LRPPRC: variants seen among roughly 807,000 people sequenced by gnomAD.
LRPPRC encodes leucine-rich PPR motif-containing protein, mitochondrial.
Under a neutral mutation model 180.3 loss-of-function variants are expected in LRPPRC, and 120 were observed. That is an observed-to-expected ratio of 0.67 (90% CI 0.57 to 0.77). The LOEUF (loss-of-function observed/expected upper bound fraction) is 0.77. LRPPRC is among the 30% of genes least tolerant of loss of function. LRPPRC has a pLI of 0.00. For synonymous variants in LRPPRC, 723 were observed against 600.0 expected (o/e 1.21, Z -3.00); for missense variants, 2,012 against 1,657.2 (o/e 1.21, Z -3.72).
intron 14 of LRPPRC, among the ~76,000 whole-genome samples, chr2:43,954,633 G>A (rs548437546): frequency 3.9e-5 from 6 of 152,212 alleles, no homozygotes; most frequent in African/African-American, 1.4e-4. Flanking sequence ...ACTGAGGGGG[G>A]ATAAACTAAT....
At position 43,908,919 on chromosome 2, in the gene LRPPRC, C is replaced by T. The variant is rs189287404; in HGVS notation, c.3276-3139G>A. Among the ~76,000 whole-genome samples the T allele has an allele frequency of 2.1e-3, 326 of 152,292 alleles. 1 individual carries two copies. Among genetic ancestry groups the T allele is most frequent in the Non-Finnish European group, 2.6e-3 (177 of 68,026 alleles). ...ATTTATGGATCCAGAGTAAGACTGC[C>T]AGAATAATACTAGGGCGGTACCGCC... is the stretch of plus-strand genomic sequence containing the variant. On this transcript the variant is annotated intron_variant, in intron 30 of 37. Transcript: ENST00000260665.
Position 43,974,666 on chromosome 2 carries a change from C to A in LRPPRC, c.957G>T (p.Gln319His). Residue 319 changes from glutamine to histidine, a missense_variant, in exon 8 of 38, where the codon CAG becomes CAT. Coordinates refer to ENST00000260665, the MANE Select transcript of LRPPRC (RefSeq NM_133259.4). ...IFSFSKAGYPQYVSEILEKVT... is the reference protein window; with the variant it reads ...IFSFSKAGYPHYVSEILEKVT... ...CTTTTTCCAAAATTTCTGAGACATA[C>A]TGAGGATACCCAGCTTTACTGAAGC... The A allele has an allele frequency of 6.2e-7, 1 of 1,611,668 alleles. No individual in the cohort carries two copies. The highest frequency in any genetic ancestry group is 8.5e-7 in the Non-Finnish European group (1 of 1,177,878).
intron 25 of LRPPRC, among the ~76,000 whole-genome samples, chr2:43,931,794 G>A (rs1342151371): frequency 2.0e-5 from 3 of 152,078 alleles, no homozygotes; most frequent in Admixed American, 1.3e-4. Context: ...AGGTGGCATT[G>A]GCAGATTTCT....
At position 43,961,468 on chromosome 2, in the gene LRPPRC, T is replaced by C. The variant is rs564660571; in HGVS notation, c.1489-834A>G. Among the ~76,000 whole-genome samples, 15 of 152,322 alleles carry C rather than the reference T, an allele frequency of 9.8e-5. No individual in the cohort carries two copies. In the South Asian group the frequency reaches 2.7e-3, roughly 27 times the overall value. On this transcript the variant is annotated intron_variant, in intron 12 of 37. Coordinates refer to ENST00000260665, the MANE Select transcript of LRPPRC (RefSeq NM_133259.4). Reference sequence around the variant, plus strand: ...GCTCGATAATATGAACAGTATACTTTCTTGCTAAAAGAGATTTCTCCAGCC... The same window carrying C: ...GCTCGATAATATGAACAGTATACTTCCTTGCTAAAAGAGATTTCTCCAGCC...
At chr2:43,949,779 A>T in intron 15 of LRPPRC, 120 bp from the exon 16 acceptor site, 1 of 740,524 alleles carries the variant, frequency 1.4e-6, no homozygotes, top group Non-Finnish European at 2.4e-6. Context: ...TCTATTTCAC[A>T]GTAATTCAAA....
At chr2:43,943,390 A>G (rs1166063208) in intron 23 of LRPPRC, among the ~76,000 whole-genome samples, 2 of 152,126 alleles carry the variant, frequency 1.3e-5, no homozygotes, top group East Asian at 1.9e-4. Flanking sequence ...CTTTTTTCTT[A>G]TATTTATTAA....
chr2:43,926,241 A>G (rs1320933511), intron 25 of LRPPRC, among the ~76,000 whole-genome samples: 2 of 152,222 alleles, frequency 1.3e-5, no homozygotes, highest in Non-Finnish European at 2.9e-5. Flanking sequence ...AGACGCCGAT[A>G]ATTTCCAAAT....
intron 32 of LRPPRC, among the ~76,000 whole-genome samples, chr2:43,900,172 T>A (rs1181455970): frequency 4.6e-5 from 7 of 152,138 alleles, no homozygotes; most frequent in Non-Finnish European, 1.5e-5. Context: ...AAATACTCAG[T>A]TTATACTAAA....
chr2:43,899,847 A>G (rs994583720), intron 32 of LRPPRC, among the ~76,000 whole-genome samples: 5 of 152,248 alleles, frequency 3.3e-5, no homozygotes, highest in African/African-American at 1.2e-4. Context: ...CAGCAGTTCA[A>G]ATAGTTGCTT....
At position 43,889,850 on chromosome 2, in the gene LRPPRC, T is replaced by C. The variant is rs1670422269; in HGVS notation, c.4012A>G (p.Lys1338Glu). The change falls in exon 37 of 38, where the codon AAA becomes GAA. Residue 1338 changes from lysine to glutamate, a missense_variant. Coordinates refer to ENST00000260665, the MANE Select transcript of LRPPRC (RefSeq NM_133259.4). ...GCAGTCAAATGTTCATACAGTGCTT[T>C]AGCAGATGTGACATCTTTCTCTGAG... The part of the protein sequence containing the change: ...YVSEKDVTSA[K>E]ALYEHLTAKN... 1.9e-6 allele frequency: 3 copies of C among 1,609,482 alleles called. No homozygotes were observed. Among genetic ancestry groups the C allele is most frequent in the African/African-American group, 1.3e-5 (1 of 74,882 alleles).
chr2:43,924,246 C>T (rs970395057), intron 27 of LRPPRC, among the ~76,000 whole-genome samples: 1 of 152,154 alleles, frequency 6.6e-6, no homozygotes, highest in African/African-American at 2.4e-5. Context: ...AGGTCACTGG[C>T]TGTTCTAAGT....
chr2:43,967,030 G>A (rs1673590455), intron 11 of LRPPRC, among the ~76,000 whole-genome samples: 2 of 151,880 alleles, frequency 1.3e-5, no homozygotes, highest in Non-Finnish European at 2.9e-5. Context: ...CAGCCTGGGT[G>A]ACAGAGCCTC....
chr2:43,977,827 C>T (rs901990400), intron 3 of LRPPRC, among the ~76,000 whole-genome samples: 1 of 152,092 alleles, frequency 6.6e-6, no homozygotes, highest in African/African-American at 2.4e-5. Flanking sequence ...AGGGCCACAT[C>T]AAATAAGGTT....
Position 43,918,029 on chromosome 2 carries a change from T to G in LRPPRC, c.3144A>C (p.Lys1048Asn), listed in dbSNP as rs1412009992. The G allele has an allele frequency of 1.2e-6, 2 of 1,610,798 alleles. No individual in the cohort carries two copies. The highest frequency in any genetic ancestry group is 1.7e-6 in the Non-Finnish European group (2 of 1,177,760). Residue 1048 changes from lysine to asparagine, a missense_variant, in exon 29 of 38, where the codon AAA (lysine) becomes AAC (asparagine). Lys to Asn is a moderately conservative substitution (Grantham distance 94). Coordinates refer to ENST00000260665, the MANE Select transcript of LRPPRC (RefSeq NM_133259.4). ...CCCATCCCCGTATGTGCTTGCCTTTTTTTTGGTTCAATCGGCAGGCAATCA... is the reference window on the plus strand; with the variant it reads ...CCCATCCCCGTATGTGCTTGCCTTTGTTTTGGTTCAATCGGCAGGCAATCA... ...DILIACRLNQ[K>N]KGAYDIFLNA...
intron 11 of LRPPRC, among the ~76,000 whole-genome samples, chr2:43,964,085 G>A (rs956695056): frequency 6.6e-6 from 1 of 152,174 alleles, no homozygotes; most frequent in Non-Finnish European, 1.5e-5. Context: ...GCTGCAAAGA[G>A]AAGTGACTGA....
In LRPPRC at chr2:43,888,702, G is replaced by A. The variant is rs184314476; in HGVS notation, c.4129-46C>T. 369 of 1,013,042 alleles carry A rather than the reference G, an allele frequency of 3.6e-4. 3 individuals carry two copies. In the African/African-American group the frequency reaches 4.9e-3, roughly 14 times the overall value. The allele number at this position is 1,013,042 out of a possible 1,614,324, so 62.8% of individuals were successfully genotyped here. ...GGGAAGTTAGAGATACCAGCAAGAG[G>A]TGATGGTACATAACTTAAAAAATCA... On this transcript the variant is annotated intron_variant, in intron 37 of 37. Coordinates refer to ENST00000260665, the MANE Select transcript of LRPPRC (RefSeq NM_133259.4).
chr2:43,892,852 G>T (rs906975012), intron 36 of LRPPRC: 3 of 151,950 alleles, frequency 2.0e-5, no homozygotes, highest in Non-Finnish European at 2.9e-5. Context: ...GACACAGACA[G>T]TGATTCTTCT....
chr2:43,916,719 C>T (rs1259030498), intron 29 of LRPPRC, among the ~76,000 whole-genome samples: 3 of 151,872 alleles, frequency 2.0e-5, no homozygotes, highest in Admixed American at 6.6e-5. Context: ...TTCGTGAGGC[C>T]GAGGTGGGAG....
chr2:43,954,999 G>C (rs1673048401), intron 14 of LRPPRC, among the ~76,000 whole-genome samples: 1 of 152,122 alleles, frequency 6.6e-6, no homozygotes, highest in African/African-American at 2.4e-5. Context: ...GAAAAGCATG[G>C]AAGGATACAC....
Sources: allele counts gnomAD v4.1 joint callset (sites outside exome capture counted in the v4.1 genomes callset), GRCh38; gene constraint gnomAD v4.1.1; transcripts MANE v1.5; gene names NCBI Gene and HGNC (gene_info 2026-07-23, HGNC 2026-07-21).